APP: variants seen among roughly 807,000 people sequenced by gnomAD.
APP encodes amyloid-beta precursor protein.
A neutral mutation model predicts 101.4 loss-of-function variants in APP; 31 were observed. That is an observed-to-expected ratio of 0.31 (90% CI 0.23 to 0.41). The LOEUF is 0.41. Among genes scored for constraint, APP ranks in the 10% least tolerant of loss-of-function variants. The probability of loss-of-function intolerance (pLI) is 1.00; values close to 1 mark genes in which losing one functional copy is unlikely to be tolerated. For missense variants in APP, 839 were observed against 1,003.7 expected (o/e 0.84, Z 2.22); for synonymous variants, 366 against 364.4 (o/e 1.00, Z -0.05).
intron 2 of APP, among the ~76,000 whole-genome samples, chr21:26,100,555 T>TGA (rs2062032403): frequency 6.6e-6 from 1 of 152,240 alleles, no homozygotes; most frequent in Non-Finnish European, 1.5e-5. Flanking sequence ...TATTTAATTT[T>TGA]AATTTCATAC....
At chr21:26,144,148 A>C (rs916441033) in intron 1 of APP, among the ~76,000 whole-genome samples, 2 of 152,236 alleles carry the variant, frequency 1.3e-5, no homozygotes, top group Middle Eastern at 3.4e-3. Flanking sequence ...TTCTCGTGAG[A>C]ACTAACTCAC....
At chr21:26,122,350 T>C (rs190148385) in intron 1 of APP, among the ~76,000 whole-genome samples, 5 of 152,310 alleles carry the variant, frequency 3.3e-5, no homozygotes. Flanking sequence ...AATACCAAAG[T>C]GGTATGAAAA....
At chr21:26,157,046 C>G (rs2063389685) in intron 1 of APP, among the ~76,000 whole-genome samples, 1 of 151,988 alleles carries the variant, frequency 6.6e-6, no homozygotes, top group African/African-American at 2.4e-5. Context: ...AAAGACATGC[C>G]AAGATTTAAA....
rs529208324 is a variant in APP, at chr21:25,983,093, A to C, written c.1091-616T>G. ...TTCATAAATTTGACAATAGTCAATG[A>C]ATTCATTATGCTAGTTGTCAAAAAG... On this transcript the variant is annotated intron_variant, in intron 8 of 17. Transcript: ENST00000346798. Among the ~76,000 whole-genome samples the C allele has an allele frequency of 2.0e-5, 3 of 152,362 alleles. No individual in the cohort carries two copies. In the East Asian group the frequency reaches 5.8e-4, roughly 29 times the overall value.
At chr21:26,036,035 G>C (rs931890053) in intron 5 of APP, among the ~76,000 whole-genome samples, 1 of 152,072 alleles carries the variant, frequency 6.6e-6, no homozygotes, top group African/African-American at 2.4e-5. Flanking sequence ...GGATTCATAT[G>C]CCTATGAAAT....
At chr21:26,000,927 TCTG>T (rs1053116811) in intron 6 of APP, among the ~76,000 whole-genome samples, 8 of 151,798 alleles carry the variant, frequency 5.3e-5, no homozygotes, top group African/African-American at 1.4e-4. Context: ...TATTATTAAT[TCTG>T]CTATTTAATT....
intron 1 of APP, among the ~76,000 whole-genome samples, chr21:26,155,760 C>G (rs1212973279): frequency 6.6e-6 from 1 of 152,124 alleles, no homozygotes; most frequent in Middle Eastern, 3.2e-3. Context: ...CTTTGGGAGG[C>G]CGAGACGGGT....
intron 5 of APP, among the ~76,000 whole-genome samples, chr21:26,035,463 G>A (rs1273459857): frequency 1.3e-5 from 2 of 152,158 alleles, no homozygotes; most frequent in Admixed American, 1.3e-4. Flanking sequence ...TACTGCGGAG[G>A]TAGGGAGGAG....
intron 3 of APP, among the ~76,000 whole-genome samples, chr21:26,063,295 T>A (rs977013462): frequency 6.6e-6 from 1 of 152,220 alleles, no homozygotes; most frequent in African/African-American, 2.4e-5. Flanking sequence ...TATTTATAGA[T>A]CTGCATAACA....
At chr21:25,891,082 CTT>C (rs2037665721) in intron 17 of APP, among the ~76,000 whole-genome samples, 1 of 152,128 alleles carries the variant, frequency 6.6e-6, no homozygotes, top group Non-Finnish European at 1.5e-5. Flanking sequence ...CGTAAATTTT[CTT>C]TCTCTCTTTC....
intron 14 of APP, among the ~76,000 whole-genome samples, chr21:25,905,445 C>A (rs1192836539): frequency 6.6e-6 from 1 of 152,156 alleles, no homozygotes; most frequent in African/African-American, 2.4e-5. Flanking sequence ...TAGCAGAAAA[C>A]CTTAAAGATA....
intron 1 of APP, chr21:26,140,431 A>G (rs1434027492): frequency 8.0e-7 from 1 of 1,247,382 alleles, no homozygotes; most frequent in Admixed American, 3.0e-5. Flanking sequence ...TTCTAAGCTA[A>G]CAATGGACAA....
intron 6 of APP, among the ~76,000 whole-genome samples, chr21:26,009,364 A>C (rs1401503482): frequency 2.0e-5 from 3 of 152,166 alleles, no homozygotes; most frequent in African/African-American, 4.8e-5. Flanking sequence ...GCAACATTAA[A>C]ACAGCTTCGA....
Position 25,945,987 on chromosome 21 carries a change from A to G in APP, c.1687+8603T>C, listed in dbSNP as rs922969815. The G allele has an allele frequency of 9.9e-5, 44 of 444,396 alleles. No individual in the cohort carries two copies. In the Admixed American group the frequency reaches 1.0e-3, roughly 11 times the overall value. 27.5% of individuals were successfully genotyped at this position (444,396 alleles called of 1,614,324 possible). On this transcript the variant is annotated intron_variant, in intron 13 of 17. Coordinates refer to ENST00000346798, the MANE Select transcript of APP (RefSeq NM_000484.4). ...ATGAGCCACTGCACCTGGCAAGAAT[A>G]GTCTTTTTCAACAAATGGTGCTGGG...
At chr21:26,027,694 G>T (rs2146806192) in intron 5 of APP, among the ~76,000 whole-genome samples, 1 of 152,210 alleles carries the variant, frequency 6.6e-6, no homozygotes, top group Admixed American at 6.5e-5. Flanking sequence ...TCTGTGTTCT[G>T]GTCCGGATGC....
At chr21:26,026,363 G>A (rs955968079) in intron 5 of APP, among the ~76,000 whole-genome samples, 1 of 152,120 alleles carries the variant, frequency 6.6e-6, no homozygotes, top group Middle Eastern at 3.2e-3. Flanking sequence ...AAGGTCAAAG[G>A]GACATTCCTA....
intron 1 of APP, among the ~76,000 whole-genome samples, chr21:26,136,546 G>A (rs2062922383): frequency 6.6e-6 from 1 of 152,008 alleles, no homozygotes; most frequent in African/African-American, 2.4e-5. Context: ...ATTCATCTTT[G>A]GTAACCATGC....
chr21:26,165,313 T>C (rs1019125969), intron 1 of APP, among the ~76,000 whole-genome samples: 1 of 152,210 alleles, frequency 6.6e-6, no homozygotes, highest in Admixed American at 6.5e-5. Context: ...TCAGGTTACA[T>C]ATATATTAAC....
chr21:26,157,078 C>CT (rs919012634), intron 1 of APP, among the ~76,000 whole-genome samples: 19 of 151,254 alleles, frequency 1.3e-4, no homozygotes, highest in African/African-American at 2.4e-4. Flanking sequence ...TTTGATTACT[C>CT]TTTTTTTTTG....
Sources: allele counts gnomAD v4.1 joint callset (sites outside exome capture counted in the v4.1 genomes callset), GRCh38; gene constraint gnomAD v4.1.1; transcripts MANE v1.5; gene names NCBI Gene and HGNC (gene_info 2026-07-23, HGNC 2026-07-21).